DYRK1A: variants seen among roughly 807,000 people sequenced by gnomAD.
The protein encoded by DYRK1A is dual specificity tyrosine phosphorylation regulated kinase 1A, also known as dual specificity tyrosine-phosphorylation-regulated kinase 1A.
A neutral mutation model predicts 79.7 loss-of-function variants in DYRK1A; 9 were observed. The observed-to-expected ratio is 0.11, with a 90% CI of 0.07 to 0.20. DYRK1A has a LOEUF of 0.20. DYRK1A is among the 10% of genes least tolerant of loss of function. The pLI, the probability that DYRK1A is intolerant of heterozygous loss-of-function variation, is 1.00. For missense variants in DYRK1A, 622 were observed against 956.0 expected (o/e 0.65, Z 4.61); for synonymous variants, 349 against 329.7 (o/e 1.06, Z -0.63).
At chr21:37,412,864 C>G (rs559089969) in intron 1 of DYRK1A, among the ~76,000 whole-genome samples, 1 of 152,214 alleles carries the variant, frequency 6.6e-6, no homozygotes, top group South Asian at 2.1e-4. Context: ...CACCCAACAG[C>G]TTGTTAGACT....
intron 4 of DYRK1A, among the ~76,000 whole-genome samples, chr21:37,478,996 A>G (rs1360510059): frequency 1.3e-5 from 2 of 152,196 alleles, no homozygotes; most frequent in East Asian, 3.8e-4. Context: ...CTCTGTCTCC[A>G]AAGTTAATTA....
At chr21:37,385,238 T>C (rs553638605) in intron 1 of DYRK1A, among the ~76,000 whole-genome samples, 1 of 152,174 alleles carries the variant, frequency 6.6e-6, no homozygotes, top group South Asian at 2.1e-4. Context: ...CACTTCCATT[T>C]ATTATCTCAG....
rs143085207 is a variant in DYRK1A, at chr21:37,438,721, T to A, written c.10+18337T>A. Among the ~76,000 whole-genome samples the A allele has an allele frequency of 3.8e-3, 580 of 152,350 alleles. 1 individual carries two copies. The highest frequency in any genetic ancestry group is 0.013 in the Admixed American group (199 of 15,304). On this transcript the variant is annotated intron_variant, in intron 2 of 11. Transcript: ENST00000647188. The stretch of plus-strand genomic sequence containing the variant: ...CCAATACCATATTGTGTTGACCTTC[T>A]GTGGCCTTAATAATAATTAATGCAA...
intron 11 of DYRK1A, among the ~76,000 whole-genome samples, chr21:37,510,323 T>C (rs1258811203): frequency 6.6e-6 from 1 of 152,236 alleles, no homozygotes; most frequent in Non-Finnish European, 1.5e-5. Flanking sequence ...ACTGCCAGCT[T>C]TTCTACTGAT....
In DYRK1A at chr21:37,511,908, C is replaced by G; in HGVS notation, c.1645-3C>G. The G allele has an allele frequency of 6.2e-7, 1 of 1,608,316 alleles. No homozygotes were observed. The highest frequency in any genetic ancestry group is 8.5e-7 in the Non-Finnish European group (1 of 1,175,528). On this transcript the variant is annotated splice_region_variant and splice_polypyrimidine_tract_variant and intron_variant, in intron 11 of 11. Transcript: ENST00000647188. ...AAATCCTTTTAAAAATCTGTTCTTT[C>G]AGGTGCGTCAGCAATTTCCTGCTCC...
chr21:37,448,278 G>C (rs1164290604), intron 2 of DYRK1A, among the ~76,000 whole-genome samples: 2 of 152,116 alleles, frequency 1.3e-5, no homozygotes, highest in African/African-American at 4.8e-5. Flanking sequence ...TTTATGACAA[G>C]TATTAAAGCA....
rs1440703914 is a variant in DYRK1A at position 37,384,539 on chromosome 21, G to GT, written c.-77+16912dup. On this transcript the variant is annotated intron_variant, in intron 1 of 11. Transcript: ENST00000647188. ...AGAAGCAAACTAATCTGAAACTAAT[G>GT]TAATTGCCTGTTACTACAGTGCCCA... Among the ~76,000 whole-genome samples the GT allele has an allele frequency of 9.0e-3, 1,377 of 152,240 alleles. 16 individuals carry two copies. Among genetic ancestry groups the GT allele is most frequent in the African/African-American group, 0.032 (1,322 of 41,548 alleles).
intron 3 of DYRK1A, among the ~76,000 whole-genome samples, chr21:37,477,633 A>T (rs554401828): frequency 6.6e-6 from 1 of 152,232 alleles, no homozygotes; most frequent in African/African-American, 2.4e-5. Flanking sequence ...TTAGGGGCAG[A>T]TATTTGTCAG....
At chr21:37,460,450 T>C (rs564169070) in intron 2 of DYRK1A, among the ~76,000 whole-genome samples, 141 of 152,318 alleles carry the variant, frequency 9.3e-4, no homozygotes, top group African/African-American at 2.5e-3. Flanking sequence ...GACTTTGGCC[T>C]CTAATCCACT....
chr21:37,515,093 T>C lies in DYRK1A; in HGVS notation c.*2562T>C, dbSNP rs965005046. ...TCTAGTCCGGACTTGCTGTGTATAT[T>C]GTAACGTTAAATGAAAAAAGAACCC... On this transcript the variant is annotated 3_prime_UTR_variant, in exon 12 of 12. Coordinates refer to ENST00000647188, the MANE Select transcript of DYRK1A (RefSeq NM_001347721.2). The C allele has an allele frequency of 1.3e-5, 2 of 152,654 alleles. No individual in the cohort carries two copies. The highest frequency in any genetic ancestry group is 6.5e-5 in the Admixed American group (1 of 15,286). The allele number at this position is 152,654 out of a possible 1,614,324, so 9.5% of individuals were successfully genotyped here.
intron 1 of DYRK1A, among the ~76,000 whole-genome samples, chr21:37,373,301 C>T (rs959009889): frequency 2.0e-5 from 3 of 152,112 alleles, no homozygotes; most frequent in Non-Finnish European, 4.4e-5. Context: ...GGCACAGTAG[C>T]AATAATCTCA....
chr21:37,388,271 C>T (rs1359096039), intron 1 of DYRK1A, among the ~76,000 whole-genome samples: 4 of 151,806 alleles, frequency 2.6e-5, no homozygotes, highest in East Asian at 3.9e-4. Context: ...TTTGTAGAGA[C>T]GGGGGTCTTG....
intron 3 of DYRK1A, among the ~76,000 whole-genome samples, chr21:37,475,291 CTG>C (rs966856914): frequency 6.6e-6 from 1 of 152,158 alleles, no homozygotes; most frequent in African/African-American, 2.4e-5. Context: ...CCTGGGTCCT[CTG>C]AACACCATGG....
At chr21:37,394,733 C>T (rs1727985802) in intron 1 of DYRK1A, among the ~76,000 whole-genome samples, 1 of 152,154 alleles carries the variant, frequency 6.6e-6, no homozygotes, top group Non-Finnish European at 1.5e-5. Context: ...AACCATTTCC[C>T]ACCTCCTCCT....
chr21:37,397,156 A>G (rs2049972473), intron 1 of DYRK1A, among the ~76,000 whole-genome samples: 2 of 152,176 alleles, frequency 1.3e-5, no homozygotes, highest in South Asian at 4.1e-4. Context: ...GGCCATACCC[A>G]GCCACAAGGG....
At chr21:37,421,188 ATTATAT>A (rs1039968711) in intron 2 of DYRK1A, among the ~76,000 whole-genome samples, 3 of 152,126 alleles carry the variant, frequency 2.0e-5, no homozygotes, top group African/African-American at 4.8e-5. Context: ...GCCTTATTTG[ATTATAT>A]TTATAAACTG....
At chr21:37,368,892 AATT>A (rs2049372750) in intron 1 of DYRK1A, among the ~76,000 whole-genome samples, 1 of 152,190 alleles carries the variant, frequency 6.6e-6, no homozygotes. Flanking sequence ...TTTAGCGTGG[AATT>A]ACCTTTGTGG....
At chr21:37,368,964 C>T (rs1416877525) in intron 1 of DYRK1A, among the ~76,000 whole-genome samples, 1 of 151,872 alleles carries the variant, frequency 6.6e-6, no homozygotes, top group Non-Finnish European at 1.5e-5. Flanking sequence ...ACTTTTCAGG[C>T]CTTTCCCCCC....
intron 3 of DYRK1A, among the ~76,000 whole-genome samples, chr21:37,475,967 G>A (rs1192674953): frequency 6.6e-6 from 1 of 152,094 alleles, no homozygotes; most frequent in Non-Finnish European, 1.5e-5. Flanking sequence ...TTTAATAAAT[G>A]CCTTTGCTTA....
Sources: gnomAD v4.1 joint callset for allele counts (sites outside exome capture counted in the v4.1 genomes callset) on GRCh38, gnomAD v4.1.1 for gene constraint, MANE v1.5 for transcripts, NCBI Gene and HGNC (gene_info 2026-07-23, HGNC 2026-07-21) for gene names.